PCLO: variants seen among roughly 807,000 people sequenced by gnomAD.
PCLO encodes protein piccolo.
A neutral mutation model predicts 427.5 loss-of-function variants in PCLO; 82 were observed. The ratio of observed to expected loss-of-function variants is 0.19; its 90% CI spans 0.16 to 0.23. The LOEUF (loss-of-function observed/expected upper bound fraction) is 0.23, where lower values mean the gene tolerates loss of function less well. PCLO is among the 10% of genes least tolerant of loss of function. The probability of loss-of-function intolerance (pLI) is 1.00; values close to 1 mark genes in which losing one functional copy is unlikely to be tolerated. For synonymous variants in PCLO, 2,357 were observed against 2,155.4 expected, an observed-to-expected ratio of 1.09 and a Z score of -2.59; for missense variants, 6,239 against 6,115.9, an observed-to-expected ratio of 1.02 and a Z score of -0.67.
At chr7:83,099,375 T>C (rs1264503555) in intron 3 of PCLO, among the ~76,000 whole-genome samples, 1 of 135,100 alleles carries the variant, frequency 7.4e-6, no homozygotes, top group African/African-American at 2.9e-5. Context: ...TGTTTTAACA[T>C]ACAGTAGATT....
chr7:83,002,129 C>T (rs900528768), intron 3 of PCLO, among the ~76,000 whole-genome samples: 1 of 151,814 alleles, frequency 6.6e-6, no homozygotes, highest in Admixed American at 6.6e-5. Flanking sequence ...TCAAATGCTG[C>T]CTTTCTCCTT....
At chr7:83,025,385 G>A (rs1434044793) in intron 3 of PCLO, among the ~76,000 whole-genome samples, 10 of 150,706 alleles carry the variant, frequency 6.6e-5, no homozygotes, top group East Asian at 1.9e-4. Context: ...GAAATGAAGC[G>A]AGAAGGGAAG....
chr7:82,991,645 T>C (rs1796378904), intron 3 of PCLO, among the ~76,000 whole-genome samples: 1 of 152,146 alleles, frequency 6.6e-6, no homozygotes, highest in Non-Finnish European at 1.5e-5. Flanking sequence ...TGTGGGATCA[T>C]AAAGTGATTT....
At chr7:82,785,169 C>A (rs1481924575) in intron 22 of PCLO, among the ~76,000 whole-genome samples, 2 of 152,138 alleles carry the variant, frequency 1.3e-5, no homozygotes, top group Non-Finnish European at 2.9e-5. Context: ...GACAATTATT[C>A]CATGGATTGG....
At chr7:82,966,660 A>G (rs1414195410) in intron 3 of PCLO, among the ~76,000 whole-genome samples, 173 bp from the exon 4 acceptor site, 4 of 152,232 alleles carry the variant, frequency 2.6e-5, no homozygotes, top group Admixed American at 2.6e-4. Flanking sequence ...CATTACAAAA[A>G]GGCTATTTGA....
intron 12 of PCLO, 131 bp downstream of exon 12, chr7:82,846,436 C>T (rs1584040813): frequency 1.6e-6 from 1 of 620,486 alleles, no homozygotes; most frequent in South Asian, 2.0e-5. Context: ...ATAAAAAAAT[C>T]TATCCATAAC....
At chr7:82,938,554 T>A (rs1795008909) in intron 6 of PCLO, among the ~76,000 whole-genome samples, 1 of 151,950 alleles carries the variant, frequency 6.6e-6, no homozygotes, top group Non-Finnish European at 1.5e-5. Flanking sequence ...GCCTATATGC[T>A]CTTAGCTAGG....
chr7:82,872,005 T>C lies in PCLO; in HGVS notation c.13654+7332A>G, dbSNP rs192902783. Among the ~76,000 whole-genome samples, 11 of 152,094 alleles carry C rather than the reference T, an allele frequency of 7.2e-5. No homozygotes were observed. In the East Asian group the frequency reaches 2.1e-3, roughly 29 times the overall value. On this transcript the variant is annotated intron_variant, in intron 10 of 24. Coordinates refer to ENST00000333891, the MANE Select transcript of PCLO (RefSeq NM_033026.6). ...TTAAGAACATTTCTGAAATGTAACATTTTACAGTTTTTAGAAGAAAAAAAG... is the reference window on the plus strand; with the variant it reads ...TTAAGAACATTTCTGAAATGTAACACTTTACAGTTTTTAGAAGAAAAAAAG...
chr7:82,979,344 T>C (rs1562896370), intron 3 of PCLO, among the ~76,000 whole-genome samples: 3 of 152,230 alleles, frequency 2.0e-5, no homozygotes, highest in Non-Finnish European at 4.4e-5. Flanking sequence ...ATGATTTTTA[T>C]TGATGACATA....
chr7:82,881,543 TAC>T (rs1349113772), intron 9 of PCLO, among the ~76,000 whole-genome samples: 2 of 152,204 alleles, frequency 1.3e-5, no homozygotes, highest in African/African-American at 4.8e-5. Flanking sequence ...AATAGAATAA[TAC>T]AGTCATGACA....
intron 10 of PCLO, among the ~76,000 whole-genome samples, chr7:82,876,974 T>A (rs1793388209): frequency 6.6e-6 from 1 of 152,184 alleles, no homozygotes; most frequent in Non-Finnish European, 1.5e-5. Context: ...TCTTAAATCA[T>A]ATGCATACAG....
At chr7:82,943,610 G>A (rs557423333) in intron 6 of PCLO, among the ~76,000 whole-genome samples, 17 of 152,220 alleles carry the variant, frequency 1.1e-4, no homozygotes, top group African/African-American at 4.1e-4. Context: ...ACTCTGTAGA[G>A]AGCATGCTAC....
In PCLO at chr7:82,775,287, A is replaced by G. The variant is rs6955779; in HGVS notation, c.15008-13794T>C. 9.2e-3 allele frequency among the ~76,000 whole-genome samples: 1,399 copies of G among 152,294 alleles called. 24 individuals are homozygous for G. The highest frequency in any genetic ancestry group is 0.032 in the African/African-American group (1,312 of 41,566). On this transcript the variant is annotated intron_variant, in intron 22 of 24. Coordinates refer to ENST00000333891, the MANE Select transcript of PCLO (RefSeq NM_033026.6). ...GATTGTGGAATCATATAGTAAGAGC[A>G]TATTTAATGTTGTATAAAATCGCCA...
intron 10 of PCLO, among the ~76,000 whole-genome samples, chr7:82,861,701 T>A (rs1373235382): frequency 2.0e-5 from 3 of 152,038 alleles, no homozygotes; most frequent in African/African-American, 7.2e-5. Flanking sequence ...AGCACATGGA[T>A]CATTCTCAAG....
chr7:82,848,958 A>G, intron 10 of PCLO: 1 of 370,074 alleles, frequency 2.7e-6, no homozygotes, highest in Non-Finnish European at 5.5e-6. Context: ...TATGTAAAAG[A>G]CAGTGACAAC....
intron 20 of PCLO, among the ~76,000 whole-genome samples, chr7:82,818,830 A>G (rs574009239): frequency 9.5e-4 from 145 of 152,166 alleles, no homozygotes; most frequent in Non-Finnish European, 1.7e-3. Context: ...ATGACAAAAC[A>G]CTCTGTACAA....
At chr7:82,841,787 C>T (rs1792373675) in intron 13 of PCLO, among the ~76,000 whole-genome samples, 1 of 151,966 alleles carries the variant, frequency 6.6e-6, no homozygotes, top group African/African-American at 2.4e-5. Context: ...AAAATGAACA[C>T]TTTAGGTTTA....
chr7:83,100,251 G>C lies in PCLO; in HGVS notation c.3300+33999C>G, dbSNP rs1205884940. On this transcript the variant is annotated intron_variant, in intron 3 of 24. Transcript: ENST00000333891. ...TTCAGCTACTGTGGAAGTCAGTGTGGCAATTCCTCAAAGACCTAAGGACAG... is the reference window on the plus strand; with the variant it reads ...TTCAGCTACTGTGGAAGTCAGTGTGCCAATTCCTCAAAGACCTAAGGACAG... 3.3e-5 allele frequency among the ~76,000 whole-genome samples: 5 copies of C among 152,120 alleles called. No homozygotes were observed. The East Asian group carries it at 7.7e-4, about 23-fold the overall frequency.
chr7:83,103,007 A>AGGAATTTGGAACCATTATTTTAGT (rs140473409), intron 3 of PCLO, among the ~76,000 whole-genome samples: 1 of 151,448 alleles, frequency 6.6e-6, no homozygotes, highest in East Asian at 1.9e-4. Context: ...TCCCTTCCTG[A>AGGAATTTGGAACCATTATTTTAGT]GATATTTTAC....
Sources: gnomAD v4.1 joint callset for allele counts (sites outside exome capture counted in the v4.1 genomes callset) on GRCh38, gnomAD v4.1.1 for gene constraint, MANE v1.5 for transcripts, NCBI Gene and HGNC (gene_info 2026-07-23, HGNC 2026-07-21) for gene names.